The following PSD3 variants were observed in gnomAD, a reference collection of about 807,000 sequenced individuals.
PSD3 encodes pleckstrin and Sec7 domain containing 3.
Under a neutral mutation model 105.5 loss-of-function variants are expected in PSD3, and 49 were observed. That is an observed-to-expected ratio of 0.46 (90% confidence interval 0.37 to 0.59). The LOEUF is 0.59. Among genes scored for constraint, PSD3 ranks in the 20% least tolerant of loss-of-function variants. PSD3 has a pLI of 0.00. For missense variants in PSD3, 1,561 were observed against 1,263.8 expected (o/e 1.24, Z -3.57); for synonymous variants, 557 against 457.8 (o/e 1.22, Z -2.77).
intron 1 of PSD3, among the ~76,000 whole-genome samples, chr8:19,002,746 T>G (rs185448835): frequency 6.6e-6 from 1 of 152,078 alleles, no homozygotes; most frequent in Admixed American, 6.6e-5. Context: ...TGTCCATACA[T>G]GTTCAGACAC....
At chr8:18,629,329 G>C (rs1304830913) in intron 11 of PSD3, among the ~76,000 whole-genome samples, 1 of 151,904 alleles carries the variant, frequency 6.6e-6, no homozygotes, top group Non-Finnish European at 1.5e-5. Flanking sequence ...ATATGGTGAA[G>C]CAATCTTACT....
chr8:18,534,758 A>AAGGAAGACCTCAATATCACAACC lies in PSD3; in HGVS notation c.*962_*984dup, dbSNP rs1799764242. On this transcript the variant is annotated 3_prime_UTR_variant, in exon 16 of 16. Transcript: ENST00000327040. ...TTCATTTTAGTATTAATTTGTTAGG[A>AAGGAAGACCTCAATATCACAACC]AGGAAGACCTCAATATCACAACCAG... 1 of 152,532 alleles carries AAGGAAGACCTCAATATCACAACC rather than the reference A, an allele frequency of 6.6e-6. No homozygotes were observed. The highest frequency in any genetic ancestry group is 2.4e-5 in the African/African-American group (1 of 41,438). The allele number at this position is 152,532 out of a possible 1,614,324, so 9.4% of individuals were successfully genotyped here.
chr8:18,622,495 A>C (rs1050751108), intron 11 of PSD3, among the ~76,000 whole-genome samples: 1 of 152,190 alleles, frequency 6.6e-6, no homozygotes, highest in African/African-American at 2.4e-5. Context: ...CAATATACTT[A>C]CATAGCTTTT....
chr8:18,676,091 T>A (rs898378421), intron 9 of PSD3, among the ~76,000 whole-genome samples: 15 of 152,126 alleles, frequency 9.9e-5, no homozygotes, highest in South Asian at 2.1e-4. Context: ...ATATATATAT[T>A]TTTTTCTCTT....
intron 9 of PSD3, among the ~76,000 whole-genome samples, chr8:18,727,580 A>ACACACG (rs1554482141): frequency 3.4e-5 from 5 of 148,638 alleles, no homozygotes; most frequent in Admixed American, 2.0e-4. Context: ...ACACACACAC[A>ACACACG]CACGCACGCA....
chr8:18,972,082 A>T (rs1824685311), intron 1 of PSD3, among the ~76,000 whole-genome samples: 1 of 152,226 alleles, frequency 6.6e-6, no homozygotes, highest in South Asian at 2.1e-4. Context: ...AAAGAAAGGT[A>T]TGACTCTTAC....
At chr8:19,065,640 C>T (rs2129477733) in intron 1 of PSD3, among the ~76,000 whole-genome samples, 1 of 152,312 alleles carries the variant, frequency 6.6e-6, no homozygotes, top group African/African-American at 2.4e-5. Flanking sequence ...AAGAGATGCG[C>T]AGGGCAAGGC....
At chr8:19,008,318 A>G (rs372597247) in intron 1 of PSD3, among the ~76,000 whole-genome samples, 5 of 152,196 alleles carry the variant, frequency 3.3e-5, no homozygotes, top group African/African-American at 7.2e-5. Flanking sequence ...AACACTCACT[A>G]CTTGCACCTT....
intron 1 of PSD3, among the ~76,000 whole-genome samples, chr8:18,980,686 G>A (rs1371423890): frequency 6.6e-6 from 1 of 151,820 alleles, no homozygotes; most frequent in Non-Finnish European, 1.5e-5. Flanking sequence ...CTCAAGTTTA[G>A]ATGCTATATG....
chr8:18,595,448 G>C (rs999529071), intron 12 of PSD3, among the ~76,000 whole-genome samples: 17 of 150,926 alleles, frequency 1.1e-4, no homozygotes, highest in African/African-American at 3.6e-4. Flanking sequence ...TTGAGAGAGA[G>C]AGAGACAGAG....
intron 4 of PSD3, among the ~76,000 whole-genome samples, chr8:18,859,767 G>A (rs895691428): frequency 6.6e-6 from 1 of 152,224 alleles, no homozygotes; most frequent in African/African-American, 2.4e-5. Context: ...TCAGCTTTCA[G>A]AGAATTGAAG....
rs573306036 is a variant in PSD3 at position 18,535,650 on chromosome 8, T to TG, written c.*92_*93insC. 3 of 841,960 alleles carry TG rather than the reference T, an allele frequency of 3.6e-6. No homozygotes were observed. Among genetic ancestry groups the TG allele is most frequent in the Non-Finnish European group, 5.0e-6 (3 of 601,296 alleles). 52.2% of individuals were successfully genotyped at this position (841,960 alleles called of 1,614,324 possible). ...ACTAATGCACCGTTTTGTCACAGAC[T>TG]TTTTTTTTTTAAATATATTCACGGA... On this transcript the variant is annotated 3_prime_UTR_variant, in exon 16 of 16. Transcript: ENST00000327040.
chr8:18,824,324 T>C (rs916746742), intron 4 of PSD3, among the ~76,000 whole-genome samples: 13 of 152,260 alleles, frequency 8.5e-5, no homozygotes, highest in Non-Finnish European at 1.8e-4. Context: ...TGCCCTTATA[T>C]AGTTGAAAGG....
intron 9 of PSD3, among the ~76,000 whole-genome samples, chr8:18,722,395 T>A (rs1207176197): frequency 6.6e-6 from 1 of 152,200 alleles, no homozygotes; most frequent in African/African-American, 2.4e-5. Flanking sequence ...TCTTATATGT[T>A]CTGTTTCCAG....
chr8:18,696,764 C>T (rs193021515), intron 9 of PSD3, among the ~76,000 whole-genome samples: 256 of 152,244 alleles, frequency 1.7e-3, no homozygotes, highest in Middle Eastern at 6.8e-3. Flanking sequence ...CAGTAGTGTG[C>T]CTCAAATCGG....
intron 4 of PSD3, among the ~76,000 whole-genome samples, chr8:18,858,649 A>G (rs1360621094): frequency 2.0e-5 from 3 of 152,154 alleles, no homozygotes; most frequent in Non-Finnish European, 4.4e-5. Context: ...AGTCATCTCA[A>G]TGAGGTTCAC....
intron 1 of PSD3, among the ~76,000 whole-genome samples, chr8:19,029,039 A>C (rs969768492): frequency 2.6e-5 from 4 of 152,222 alleles, no homozygotes; most frequent in African/African-American, 9.6e-5. Context: ...CTATACTTAC[A>C]ATAATGCAAA....
intron 8 of PSD3, among the ~76,000 whole-genome samples, chr8:18,774,375 G>T (rs975280624): frequency 6.6e-6 from 1 of 152,100 alleles, no homozygotes; most frequent in Non-Finnish European, 1.5e-5. Flanking sequence ...TTTGTGTTGG[G>T]AACATTTCAA....
At chr8:18,540,877 A>T (rs961069635) in intron 15 of PSD3, among the ~76,000 whole-genome samples, 4 of 152,128 alleles carry the variant, frequency 2.6e-5, no homozygotes, top group African/African-American at 9.7e-5. Context: ...CCCGTGGCCC[A>T]GTCTCTCAGT....
Sources: allele counts gnomAD v4.1 joint callset (sites outside exome capture counted in the v4.1 genomes callset), GRCh38; gene constraint gnomAD v4.1.1; transcripts MANE v1.5; gene names NCBI Gene and HGNC (gene_info 2026-07-23, HGNC 2026-07-21).